Variants in VMP1 observed in about 807,000 individuals in gnomAD.
VMP1 encodes the protein ectopic P-granules autophagy protein 3 homolog.
A neutral mutation model predicts 56.0 loss-of-function variants in VMP1; 11 were observed. That is an observed-to-expected ratio of 0.20 (90% CI 0.12 to 0.32). The LOEUF (loss-of-function observed/expected upper bound fraction) is 0.32, where lower values mean the gene tolerates loss of function less well. Ranked by LOEUF, VMP1 falls within the 10% of genes least tolerant of loss-of-function variation. VMP1 has a pLI of 1.00. For synonymous variants in VMP1, 149 were observed against 165.0 expected (o/e 0.90, Z 0.74); for missense variants, 296 against 490.3 (o/e 0.60, Z 3.74).
intron 6 of VMP1, among the ~76,000 whole-genome samples, chr17:59,767,256 A>G (rs2036266322): frequency 1.3e-5 from 2 of 152,140 alleles, no homozygotes; most frequent in Admixed American, 1.3e-4. Flanking sequence ...CATGAATACC[A>G]TACCCTCAGG....
At chr17:59,731,092 T>C (rs1302928852) in intron 1 of VMP1, among the ~76,000 whole-genome samples, 6 of 152,202 alleles carry the variant, frequency 3.9e-5, no homozygotes, top group African/African-American at 1.4e-4. Flanking sequence ...TGTGTTAACA[T>C]TTGGAGTTAC....
intron 1 of VMP1, among the ~76,000 whole-genome samples, chr17:59,716,243 G>A (rs1472583562): frequency 1.3e-5 from 2 of 152,174 alleles, no homozygotes; most frequent in East Asian, 3.9e-4. Context: ...CAACAGTCCA[G>A]TGAGAGTATT....
At chr17:59,728,854 G>A (rs1329825712) in intron 1 of VMP1, among the ~76,000 whole-genome samples, 1 of 151,850 alleles carries the variant, frequency 6.6e-6, no homozygotes, top group Non-Finnish European at 1.5e-5. Flanking sequence ...CATTTAAACG[G>A]TATATTCACA....
chr17:59,837,075 C>T (rs542169150), intron 10 of VMP1, among the ~76,000 whole-genome samples: 3 of 151,728 alleles, frequency 2.0e-5, no homozygotes. Flanking sequence ...TGGTGACAAG[C>T]GCCTGTAATC....
intron 7 of VMP1, among the ~76,000 whole-genome samples, chr17:59,781,652 A>C: frequency 6.6e-6 from 1 of 152,152 alleles, no homozygotes; most frequent in East Asian, 1.9e-4. Context: ...ACATTTTTCC[A>C]CGCCATCAAA....
At position 59,808,778 on chromosome 17, in the gene VMP1, A is replaced by G. The variant is rs1159506931; in HGVS notation, c.715-18A>G. 6.2e-7 allele frequency: 1 copy of G among 1,605,182 alleles called. No individual in the cohort carries two copies. Reference sequence around the variant, plus strand: ...TTTCCTACTTCTCATTAATGTTTCTAAATTTGCCTTTTTACAGGACTTTGC... The same window carrying G: ...TTTCCTACTTCTCATTAATGTTTCTGAATTTGCCTTTTTACAGGACTTTGC... On this transcript the variant is annotated intron_variant, in intron 7 of 11. Coordinates refer to ENST00000262291, the MANE Select transcript of VMP1 (RefSeq NM_030938.5).
At chr17:59,800,187 T>C in intron 7 of VMP1, among the ~76,000 whole-genome samples, 1 of 152,192 alleles carries the variant, frequency 6.6e-6, no homozygotes, top group East Asian at 1.9e-4. Flanking sequence ...TATAACTGCA[T>C]TACAGAAAGT....
rs1319598379 is a variant in VMP1 at position 59,811,800 on chromosome 17, CT to C, written c.912+15del. 3 of 1,482,178 alleles carry C rather than the reference CT, an allele frequency of 2.0e-6. No individual in the cohort carries two copies. Among genetic ancestry groups the C allele is most frequent in the Non-Finnish European group, 2.8e-6 (3 of 1,060,162 alleles). 91.8% of individuals were successfully genotyped at this position (1,482,178 alleles called of 1,614,324 possible). A position where few individuals can be genotyped will look rare whatever the true frequency, so the allele number is the denominator to read the frequency against. On this transcript the variant is annotated intron_variant, in intron 9 of 11. Transcript: ENST00000262291. ...ATGCATATCCAGGTAATTATACCCC[CT>C]GATTCACTGCCTAATGATGATGAAC...
chr17:59,742,633 G>C lies in VMP1; in HGVS notation c.414+3686G>C, dbSNP rs536384062. 6.4e-4 allele frequency among the ~76,000 whole-genome samples: 97 copies of C among 151,996 alleles called. 1 individual carries two copies. The South Asian group carries it at 0.02, about 32-fold the overall frequency. On this transcript the variant is annotated intron_variant, in intron 5 of 11. Coordinates refer to ENST00000262291, the MANE Select transcript of VMP1 (RefSeq NM_030938.5). Reference sequence around the variant, plus strand: ...GACAGAGGATTCTAATACACCAGGGGTCCCTAATCCCCAGGCCACAGACCA... The same window carrying C: ...GACAGAGGATTCTAATACACCAGGGCTCCCTAATCCCCAGGCCACAGACCA...
intron 5 of VMP1, among the ~76,000 whole-genome samples, chr17:59,754,851 A>G (rs1039644621): frequency 6.6e-6 from 1 of 152,318 alleles, no homozygotes; most frequent in Admixed American, 6.5e-5. Flanking sequence ...TGCCAAGGAA[A>G]AGGGGTATGC....
At chr17:59,796,721 C>A (rs887548507) in intron 7 of VMP1, among the ~76,000 whole-genome samples, 1 of 152,168 alleles carries the variant, frequency 6.6e-6, no homozygotes, top group African/African-American at 2.4e-5. Flanking sequence ...CTTTAACTTA[C>A]TCAATCCTCA....
At chr17:59,797,614 C>T (rs1449547501) in intron 7 of VMP1, among the ~76,000 whole-genome samples, 5 of 152,194 alleles carry the variant, frequency 3.3e-5, no homozygotes, top group South Asian at 2.1e-4. Context: ...CAGTGGCTCA[C>T]GCCTGTAATC....
chr17:59,722,258 G>A (rs764702318), intron 1 of VMP1, among the ~76,000 whole-genome samples: 4 of 152,080 alleles, frequency 2.6e-5, no homozygotes, highest in Non-Finnish European at 5.9e-5. Flanking sequence ...TACTATTTGG[G>A]AGCATGAACT....
chr17:59,729,051 C>G (rs1235432390), intron 1 of VMP1, among the ~76,000 whole-genome samples: 1 of 152,154 alleles, frequency 6.6e-6, no homozygotes, highest in East Asian at 1.9e-4. Flanking sequence ...TTGTGACTGA[C>G]TTCTTTCACT....
intron 7 of VMP1, among the ~76,000 whole-genome samples, chr17:59,784,142 T>TGTGTGTGAGAGA (rs556387089): frequency 3.8e-5 from 5 of 130,462 alleles, no homozygotes; most frequent in East Asian, 4.5e-4. Context: ...TGTGTGTGTG[T>TGTGTGTGAGAGA]GAGAGAGAGA....
chr17:59,780,862 A>G (rs1173210543), intron 7 of VMP1, among the ~76,000 whole-genome samples: 1 of 152,132 alleles, frequency 6.6e-6, no homozygotes, highest in African/African-American at 2.4e-5. Context: ...TGCTGGGATT[A>G]CAGGTGTGAG....
chr17:59,710,565 T>C (rs2033879628), intron 1 of VMP1, among the ~76,000 whole-genome samples: 1 of 152,240 alleles, frequency 6.6e-6, no homozygotes, highest in Non-Finnish European at 1.5e-5. Context: ...CCTCTTTAGC[T>C]AGTTTAGTCT....
chr17:59,745,476 A>G (rs542206105), intron 5 of VMP1, among the ~76,000 whole-genome samples: 15 of 152,330 alleles, frequency 9.8e-5, no homozygotes, highest in African/African-American at 3.6e-4. Context: ...TCAAAATCTG[A>G]TCTGGGTTTT....
intron 1 of VMP1, among the ~76,000 whole-genome samples, chr17:59,709,837 G>GT (rs968477665): frequency 6.6e-6 from 1 of 152,128 alleles, no homozygotes; most frequent in Non-Finnish European, 1.5e-5. Flanking sequence ...AAAAGCTGAA[G>GT]TTTTTTGCCT....
Sources: allele counts gnomAD v4.1 joint callset (sites outside exome capture counted in the v4.1 genomes callset), GRCh38; gene constraint gnomAD v4.1.1; transcripts MANE v1.5; gene names NCBI Gene and HGNC (gene_info 2026-07-23, HGNC 2026-07-21).